The following NT5C1B variants were observed in gnomAD, a reference collection of about 807,000 sequenced individuals.
The protein encoded by NT5C1B is cytosolic 5'-nucleotidase 1B.
NT5C1B carries 44 observed loss-of-function variants against 57.8 expected under a neutral mutation model. The observed-to-expected ratio is 0.76, with a 90% CI of 0.60 to 0.98. The LOEUF (loss-of-function observed/expected upper bound fraction) is 0.98. NT5C1B is among the 50% of genes least tolerant of loss of function. NT5C1B has a pLI of 0.00. For synonymous variants in NT5C1B, 284 were observed against 282.6 expected, an observed-to-expected ratio of 1.00 and a Z score of -0.05; for missense variants, 742 against 719.5, an observed-to-expected ratio of 1.03 and a Z score of -0.36.
rs772748163 is a variant in NT5C1B at position 18,584,694 on chromosome 2, G to T, written c.543C>A (p.Thr181=). 6.2e-7 allele frequency: 1 copy of T among 1,612,072 alleles called. No individual in the cohort carries two copies. Among genetic ancestry groups the T allele is most frequent in the South Asian group, 1.1e-5 (1 of 90,886 alleles). ...TGCGCTGGCTGGAGGACTTCCACTC[G>T]GTGGGGGACGTGCGCGAATATTCCA... Residue 181 remains threonine, a synonymous_variant, in exon 4 of 9, where the codon ACC becomes ACA. Coordinates refer to ENST00000304081, the Ensembl canonical transcript of NT5C1B. The surrounding 1 kb of genome is among the most constrained non-coding windows in gnomAD (Gnocchi z 5.8).
intron 8 of NT5C1B, among the ~76,000 whole-genome samples, chr2:18,571,718 G>GTGTGTGTATATATATA (rs1246189018): frequency 4.5e-5 from 5 of 111,470 alleles, no homozygotes; most frequent in African/African-American, 1.6e-4. Flanking sequence ...CTGTGTGTGT[G>GTGTGTGTATATATATA]TATATATATA....
chr2:18,584,365 A>C lies in NT5C1B; in HGVS notation c.724-110T>G. 1 of 1,543,914 alleles carries C rather than the reference A, an allele frequency of 6.5e-7. No homozygotes were observed. The highest frequency in any genetic ancestry group is 8.7e-7 in the Non-Finnish European group (1 of 1,147,236). On this transcript the variant is annotated intron_variant, in intron 4 of 8. Transcript: ENST00000304081. The surrounding 1 kb of genome is among the most constrained non-coding windows in gnomAD (Gnocchi z 5.8). ...AGGACAGCGGGCCCCTGCTTGGAGAAGCGGGATGCTGGAGACAGCTGAGGC... is the reference window on the plus strand; with the variant it reads ...AGGACAGCGGGCCCCTGCTTGGAGACGCGGGATGCTGGAGACAGCTGAGGC...
chr2:18,580,026 G>GA (rs1169380866), intron 6 of NT5C1B, among the ~76,000 whole-genome samples: 4 of 151,934 alleles, frequency 2.6e-5, no homozygotes, highest in Non-Finnish European at 5.9e-5. Context: ...ACAAGCGTAT[G>GA]AAAAAAATGC....
At chr2:18,586,344 A>G (rs1253830493) in exon 3 of NT5C1B, 5 of 1,614,142 alleles carry the variant, frequency 3.1e-6, no homozygotes, top group Non-Finnish European at 3.4e-6. Flanking sequence ...GACTGCGCAC[A>G]AGGTACCCTC....
chr2:18,576,429 A>G (rs182256643), intron 7 of NT5C1B, 61 bp from the exon 8 acceptor site: 10 of 1,532,836 alleles, frequency 6.5e-6, no homozygotes, highest in African/African-American at 2.8e-5. Flanking sequence ...AGTTTCTACC[A>G]TTAAAAAAAA....
chr2:18,584,879 G>A lies in NT5C1B; in HGVS notation c.358C>T (p.Pro120Ser). The stretch of plus-strand genomic sequence containing the variant: ...GACCGGGGCAGCTGGGGCGACGCGG[G>A]TGGCTGGAGCGAGGGCTGCCCGGAC... Residue 120 changes from proline (P) to serine (S), a missense_variant, in exon 4 of 9, where the codon CCC becomes TCC. By Grantham distance (74) the Pro-to-Ser change is moderately conservative (BLOSUM62 -1). Transcript: ENST00000304081. This position sits in a 1 kb window ranked among gnomAD's most constrained non-coding sequence, Gnocchi z 5.8. 1 of 1,592,346 alleles carries A rather than the reference G, an allele frequency of 6.3e-7. No homozygotes were observed. Among genetic ancestry groups the A allele is most frequent in the South Asian group, 1.1e-5 (1 of 89,164 alleles).
intron 6 of NT5C1B, among the ~76,000 whole-genome samples, chr2:18,578,194 TAAG>T (rs775346758): frequency 6.6e-6 from 1 of 152,020 alleles, no homozygotes; most frequent in East Asian, 1.9e-4. Context: ...ACCAGACATA[TAAG>T]AAGAACTGGT....
At position 18,584,845 on chromosome 2, in the gene NT5C1B, G is replaced by A. The variant is rs778182553; in HGVS notation, c.392C>T (p.Ser131Leu). 5.0e-6 allele frequency: 8 copies of A among 1,609,018 alleles called. No homozygotes were observed. The South Asian group carries it at 6.6e-5, about 13-fold the overall frequency. Residue 131 changes from serine (S) to leucine (L), a missense_variant, in exon 4 of 9, where the codon TCG (serine) becomes TTG (leucine). Transcript: ENST00000304081. The surrounding 1 kb of genome is among the most constrained non-coding windows in gnomAD (Gnocchi z 5.8). The stretch of plus-strand genomic sequence containing the variant: ...GGGCTCTGGGGGCGTGGGAGGCCGC[G>A]AGTCCAGCGACCGGGGCAGCTGGGG...
chr2:18,577,711 A>T (rs1053712411), intron 6 of NT5C1B, among the ~76,000 whole-genome samples: 4 of 151,944 alleles, frequency 2.6e-5, no homozygotes, highest in African/African-American at 9.7e-5. Context: ...AGAAAAAAAA[A>T]AGAAAGAAAA....
At chr2:18,576,642 G>T in intron 7 of NT5C1B, 131 bp downstream of exon 7, 1 of 1,436,268 alleles carries the variant, frequency 7.0e-7, no homozygotes. Flanking sequence ...CTTAAGTGTT[G>T]CCCCATGTGG....
intron 6 of NT5C1B, among the ~76,000 whole-genome samples, chr2:18,581,181 G>A (rs1182528361): frequency 7.2e-5 from 11 of 152,028 alleles, no homozygotes; most frequent in Admixed American, 7.2e-4. Flanking sequence ...ATATACTACG[G>A]GTAAAAGTGT....
chr2:18,572,132 A>T (rs1051308826), intron 8 of NT5C1B, among the ~76,000 whole-genome samples: 16 of 151,718 alleles, frequency 1.1e-4, no homozygotes, highest in African/African-American at 3.1e-4. Flanking sequence ...AATAATCAAG[A>T]CAATGTAATA....
At chr2:18,574,533 G>A (rs985575284) in intron 8 of NT5C1B, among the ~76,000 whole-genome samples, 1 of 152,052 alleles carries the variant, frequency 6.6e-6, no homozygotes, top group Non-Finnish European at 1.5e-5. Flanking sequence ...GTAAACTGCA[G>A]CATTTACTAC....
In NT5C1B at chr2:18,584,109, G is replaced by A. The variant is rs760744912; in HGVS notation, c.870C>T (p.Gly290=). 1.2e-6 allele frequency: 2 copies of A among 1,614,160 alleles called. No individual in the cohort carries two copies. Among genetic ancestry groups the A allele is most frequent in the South Asian group, 1.1e-5 (1 of 91,072 alleles). Residue 290 remains glycine, a synonymous_variant, in exon 5 of 9, where the codon GGC becomes GGT. Coordinates refer to ENST00000304081, the Ensembl canonical transcript of NT5C1B. The surrounding 1 kb of genome is among the most constrained non-coding windows in gnomAD (Gnocchi z 5.8). ...ATACCTTGACGAAGCGGAACGCCGG[G>A]CCCGGGGTCAGGATGACGTTCTCAT... is the stretch of plus-strand genomic sequence containing the variant.
At chr2:18,576,732 A>G in intron 7 of NT5C1B, 41 bp downstream of exon 7, 1 of 1,609,328 alleles carries the variant, frequency 6.2e-7, no homozygotes, top group Non-Finnish European at 8.5e-7. Context: ...CCATTAGTGT[A>G]AACCTCTTTA....
rs774468971 is a variant in NT5C1B, at chr2:18,582,868, CG to C, written c.1020del (p.Tyr340Ter). On this transcript the variant is annotated frameshift_variant and splice_region_variant, in exon 6 of 9. Coordinates refer to ENST00000304081, the Ensembl canonical transcript of NT5C1B. LOFTEE classifies it high-confidence loss of function. ...TCCACATGGTATTTATTTTACTTAC[CG>C]TAGTGATTGACGCTGTTTATAAGCC... 15 of 1,612,778 alleles carry C rather than the reference CG, an allele frequency of 9.3e-6. No homozygotes were observed. The highest frequency in any genetic ancestry group is 1.3e-5 in the Non-Finnish European group (15 of 1,179,406).
intron 8 of NT5C1B, among the ~76,000 whole-genome samples, chr2:18,573,757 G>C (rs1318096977): frequency 1.3e-5 from 2 of 152,086 alleles, no homozygotes; most frequent in African/African-American, 4.8e-5. Flanking sequence ...TTTCTCATCA[G>C]TGGAACACAC....
At chr2:18,580,957 G>A (rs1012682419) in intron 6 of NT5C1B, among the ~76,000 whole-genome samples, 7 of 152,132 alleles carry the variant, frequency 4.6e-5, no homozygotes, top group South Asian at 2.1e-4. Context: ...GGTGGGAGGC[G>A]GATGAGGATT....
chr2:18,568,899 C>T (rs1198394104), intron 8 of NT5C1B, among the ~76,000 whole-genome samples: 3 of 152,148 alleles, frequency 2.0e-5, no homozygotes, highest in Non-Finnish European at 2.9e-5. Context: ...ATGAATAAAA[C>T]CAAACTGTGC....
Sources: allele counts gnomAD v4.1 joint callset (sites outside exome capture counted in the v4.1 genomes callset), GRCh38; gene constraint gnomAD v4.1.1; non-coding constraint Gnocchi (gnomAD v3.1); transcripts MANE v1.5; gene names NCBI Gene and HGNC (gene_info 2026-07-23, HGNC 2026-07-21).